ZC3H18: variants seen among roughly 807,000 people sequenced by gnomAD.
ZC3H18 encodes zinc finger CCCH-type containing 18.
A neutral mutation model predicts 106.1 loss-of-function variants in ZC3H18; 8 were observed. That is an observed-to-expected ratio of 0.08 (90% confidence interval 0.04 to 0.14). ZC3H18 has a LOEUF of 0.14. Among genes scored for constraint, ZC3H18 ranks in the 10% least tolerant of loss-of-function variants. ZC3H18 has a pLI of 1.00. For synonymous variants in ZC3H18, 635 were observed against 522.1 expected (o/e 1.22, Z -2.95); for missense variants, 1,318 against 1,278.4 (o/e 1.03, Z -0.47).
intron 2 of ZC3H18, among the ~76,000 whole-genome samples, chr16:88,581,802 C>T (rs1019024085): frequency 1.1e-4 from 16 of 152,236 alleles, no homozygotes; most frequent in Non-Finnish European, 2.1e-4. Context: ...AGTCTCTCCC[C>T]AGAACCACCT....
chr16:88,622,464 C>CAG, intron 9 of ZC3H18, 76 bp downstream of exon 9: 1 of 1,458,232 alleles, frequency 6.9e-7, no homozygotes. Context: ...CTCACTGGGT[C>CAG]AGGTGGGGAA....
At chr16:88,605,078 C>T (rs1271693123) in intron 6 of ZC3H18, among the ~76,000 whole-genome samples, 1 of 152,270 alleles carries the variant, frequency 6.6e-6, no homozygotes, top group African/African-American at 2.4e-5. Flanking sequence ...CCTCAGGTAA[C>T]AGGTCTACCA....
intron 11 of ZC3H18, chr16:88,624,320 T>C (rs952982806): frequency 2.0e-5 from 13 of 650,020 alleles, no homozygotes; most frequent in Admixed American, 2.9e-5. Context: ...AGCCGGGTGT[T>C]CTTAAGGGGT....
chr16:88,624,452 G>C, intron 11 of ZC3H18, 150 bp from the exon 12 acceptor site: 2 of 1,253,104 alleles, frequency 1.6e-6, no homozygotes, highest in Non-Finnish European at 2.2e-6. Flanking sequence ...ACACCGATGG[G>C]TGGGGAGCCG....
At chr16:88,617,839 G>A (rs895917580) in intron 8 of ZC3H18, among the ~76,000 whole-genome samples, 1 of 152,256 alleles carries the variant, frequency 6.6e-6, no homozygotes, top group Non-Finnish European at 1.5e-5. Flanking sequence ...CTGGGCCACC[G>A]CTTCATGCTC....
At chr16:88,617,814 G>T (rs1773147017) in intron 8 of ZC3H18, among the ~76,000 whole-genome samples, 1 of 152,244 alleles carries the variant, frequency 6.6e-6, no homozygotes, top group South Asian at 2.1e-4. Flanking sequence ...GGCCCATCCA[G>T]TGGGCGCCTG....
chr16:88,612,502 T>TAA (rs759451397), intron 8 of ZC3H18, among the ~76,000 whole-genome samples: 16 of 132,908 alleles, frequency 1.2e-4, no homozygotes, highest in Non-Finnish European at 1.6e-4. Flanking sequence ...CATCTCTATT[T>TAA]AAAAAAAAAA....
chr16:88,571,600 C>T (rs1914411541), intron 1 of ZC3H18: 2 of 985,420 alleles, frequency 2.0e-6, no homozygotes, highest in Non-Finnish European at 2.4e-6. Flanking sequence ...CCGGAAACTC[C>T]TCTCCCGTTG....
chr16:88,624,734 C>A lies in ZC3H18; in HGVS notation c.2031C>A (p.Thr677=). ...GGAGGAAGGAGCGGCCAGCCAGGAC[C>A]CCCCCCAGGAGGTGAGCACTCCGGC... ...EARRKERPAR[T]PPRRRTLSGS... Residue 677 remains threonine, a synonymous_variant, in exon 12 of 18, where the codon ACC becomes ACA. Coordinates refer to ENST00000301011, the MANE Select transcript of ZC3H18 (RefSeq NM_144604.4). The A allele has an allele frequency of 6.2e-7, 1 of 1,612,354 alleles. No individual in the cohort carries two copies. The highest frequency in any genetic ancestry group is 8.5e-7 in the Non-Finnish European group (1 of 1,179,568).
intron 3 of ZC3H18, among the ~76,000 whole-genome samples, chr16:88,597,404 C>T (rs573707391): frequency 4.9e-4 from 74 of 151,976 alleles, no homozygotes; most frequent in Middle Eastern, 3.4e-3. Flanking sequence ...GCATGTTAAC[C>T]CATTGAAAAA....
At chr16:88,575,331 C>A (rs1428993741) in intron 1 of ZC3H18, among the ~76,000 whole-genome samples, 1 of 151,970 alleles carries the variant, frequency 6.6e-6, no homozygotes, top group Non-Finnish European at 1.5e-5. Context: ...GTATGACTTG[C>A]TGCGTCCGTA....
At chr16:88,606,872 T>A (rs1032687887) in intron 6 of ZC3H18, among the ~76,000 whole-genome samples, 14 of 152,174 alleles carry the variant, frequency 9.2e-5, no homozygotes, top group African/African-American at 3.1e-4. Context: ...AGGGTGTTCG[T>A]AGCCACCCAT....
chr16:88,588,088 A>T (rs919292600), intron 3 of ZC3H18, among the ~76,000 whole-genome samples: 6 of 152,230 alleles, frequency 3.9e-5, no homozygotes, highest in African/African-American at 1.4e-4. Context: ...GAATGCAGAG[A>T]AATGTGCGGT....
intron 15 of ZC3H18, 120 bp from the exon 16 acceptor site, chr16:88,628,638 G>A (rs547991993): frequency 2.6e-4 from 273 of 1,047,752 alleles, no homozygotes; most frequent in African/African-American, 1.0e-3. Context: ...TCTCATGGGT[G>A]TGTGGTGGGA....
intron 2 of ZC3H18, among the ~76,000 whole-genome samples, chr16:88,581,228 T>G (rs1915110151): frequency 6.6e-6 from 1 of 152,210 alleles, no homozygotes; most frequent in African/African-American, 2.4e-5. Context: ...TCTTGAACTC[T>G]TGGCCTCAAG....
Position 88,608,931 on chromosome 16 carries a change from C to T in ZC3H18, c.1089-3C>T. ...AGAGTTCTTTTTCATTGGCCCTTTT[C>T]AGACTCGAGCCTTACGCAGACCCTT... is the stretch of plus-strand genomic sequence containing the variant. On this transcript the variant is annotated splice_polypyrimidine_tract_variant and splice_region_variant and intron_variant, in intron 6 of 17. Coordinates refer to ENST00000301011, the MANE Select transcript of ZC3H18 (RefSeq NM_144604.4). 1.2e-6 allele frequency: 2 copies of T among 1,608,574 alleles called. No individual in the cohort carries two copies. The highest frequency in any genetic ancestry group is 1.7e-6 in the Non-Finnish European group (2 of 1,177,498).
chr16:88,625,568 C>T, intron 13 of ZC3H18: 1 of 405,118 alleles, frequency 2.5e-6, no homozygotes, highest in Non-Finnish European at 4.5e-6. Context: ...TGAGAGAGCA[C>T]CTGCACCTGG....
intron 11 of ZC3H18, 93 bp from the exon 12 acceptor site, chr16:88,624,509 C>G (rs886126091): frequency 6.3e-7 from 1 of 1,584,208 alleles, no homozygotes; most frequent in Non-Finnish European, 8.6e-7. Context: ...CATGCAGTGT[C>G]GTTCCCCGAG....
Position 88,628,790 on chromosome 16 carries a change from A to T in ZC3H18, c.2502A>T (p.Glu834Asp). The stretch of plus-strand genomic sequence containing the variant: ...ATAAAGGAAGCAGGAAGCGCTATGA[A>T]CCATCAGACAAGGACAGGCAGAGCC... ...AADKGSRKRY[E>D]PSDKDRQSPP... Residue 834 changes from glutamate to aspartate, a missense_variant, in exon 16 of 18, where the codon GAA becomes GAT. Glu to Asp is a conservative substitution (Grantham distance 45). Around this residue, in one of 6 missense-constraint regions of ZC3H18, gnomAD observed 848 missense variants for 821.7 expected, o/e 1.03. Transcript: ENST00000301011. The T allele has an allele frequency of 1.2e-6, 2 of 1,614,058 alleles. No homozygotes were observed. The highest frequency in any genetic ancestry group is 1.7e-6 in the Non-Finnish European group (2 of 1,179,982).
Sources: gnomAD v4.1 joint callset for allele counts (sites outside exome capture counted in the v4.1 genomes callset) on GRCh38, gnomAD v4.1.1 for gene constraint, gnomAD v4.1.1 regional missense constraint, MANE v1.5 for transcripts, NCBI Gene and HGNC (gene_info 2026-07-23, HGNC 2026-07-21) for gene names.